Variants in HPCAL1 observed in about 807,000 individuals in gnomAD.
HPCAL1 encodes the protein hippocalcin-like protein 1.
HPCAL1 carries 8 observed loss-of-function variants against 17.1 expected under a neutral mutation model. That is an observed-to-expected ratio of 0.47 (90% CI 0.27 to 0.84). The LOEUF is 0.84. Ranked by LOEUF, HPCAL1 falls within the 40% of genes least tolerant of loss-of-function variation. HPCAL1 has a pLI of 0.13. For missense variants in HPCAL1, 165 were observed against 271.1 expected (o/e 0.61, Z 2.75); for synonymous variants, 112 against 111.4 (o/e 1.01, Z -0.03).
chr2:10,397,111 C>T (rs1170097195), intron 2 of HPCAL1, among the ~76,000 whole-genome samples, 191 bp downstream of exon 2: 3 of 152,172 alleles, frequency 2.0e-5, no homozygotes, highest in East Asian at 1.9e-4. Context: ...AACTGCGGCT[C>T]GGAAATGCAG....
intron 1 of HPCAL1, among the ~76,000 whole-genome samples, chr2:10,346,110 A>G (rs1665424795): frequency 6.6e-6 from 1 of 152,054 alleles, no homozygotes. Context: ...ACTTATGTGC[A>G]ATGCCTTGGG....
In HPCAL1 at chr2:10,399,228, A is replaced by G. The variant is rs373410002; in HGVS notation, c.-25+2308A>G. 3.6e-4 allele frequency among the ~76,000 whole-genome samples: 42 copies of G among 117,004 alleles called. 2 individuals are homozygous for G. In the East Asian group the frequency reaches 7.7e-3, roughly 21 times the overall value. 76.8% of individuals were successfully genotyped at this position (117,004 alleles called of 152,430 possible). ...TCACTGCACCACCACCACCACCACC[A>G]CCACCACCACCATCACCACCACCAC... is the stretch of plus-strand genomic sequence containing the variant. On this transcript the variant is annotated intron_variant, in intron 2 of 4. Transcript: ENST00000307845.
chr2:10,397,425 G>A lies in HPCAL1; in HGVS notation c.-25+505G>A, dbSNP rs572653574. Among the ~76,000 whole-genome samples the A allele has an allele frequency of 1.2e-4, 19 of 152,134 alleles. No homozygotes were observed. In the East Asian group the frequency reaches 1.4e-3, roughly 11 times the overall value. On this transcript the variant is annotated intron_variant, in intron 2 of 4. Transcript: ENST00000307845. ...CACCCACGCCAGATAAGCTGTCTGC[G>A]CTGGGAGCTGGGCATGTGGCTCTCC...
At position 10,310,595 on chromosome 2, in the gene HPCAL1, G is replaced by T. The variant is rs1043175068; in HGVS notation, c.-111+7418G>T. Among the ~76,000 whole-genome samples the T allele has an allele frequency of 2.0e-5, 3 of 152,238 alleles. No individual in the cohort carries two copies. The highest frequency in any genetic ancestry group is 2.0e-4 in the Admixed American group (3 of 15,280). On this transcript the variant is annotated intron_variant, in intron 1 of 4. Transcript: ENST00000307845. The surrounding 1 kb of genome is among the most constrained non-coding windows in gnomAD (Gnocchi z 4.5). The stretch of plus-strand genomic sequence containing the variant: ...AGAAGCATCTGTCAGGGTCCCTGAT[G>T]CACCTACAGAGACCCTGAGCTTGGT...
In HPCAL1 at chr2:10,322,238, G is replaced by A. The variant is rs1030547661; in HGVS notation, c.-111+19061G>A. Among the ~76,000 whole-genome samples, 25 of 152,176 alleles carry A rather than the reference G, an allele frequency of 1.6e-4. 2 individuals are homozygous for A. The highest frequency in any genetic ancestry group is 1.4e-3 in the Admixed American group (22 of 15,298). ...AGTTCTCACTAGATTGCCCAAATTC[G>A]TCTTGAACTCCTGGGCTTAAGTGAT... is the stretch of plus-strand genomic sequence containing the variant. On this transcript the variant is annotated intron_variant, in intron 1 of 4. Transcript: ENST00000307845.
intron 1 of HPCAL1, among the ~76,000 whole-genome samples, chr2:10,328,537 T>C (rs1004873575): frequency 2.0e-5 from 3 of 152,086 alleles, no homozygotes; most frequent in African/African-American, 7.2e-5. Context: ...AGAACAAAAA[T>C]GTAGAGAAAG....
At chr2:10,401,096 G>C (rs1305654464) in intron 2 of HPCAL1, among the ~76,000 whole-genome samples, 3 of 152,176 alleles carry the variant, frequency 2.0e-5, no homozygotes, top group Non-Finnish European at 4.4e-5. Flanking sequence ...AGCCGAGGCT[G>C]CACAAGGACA....
chr2:10,369,027 G>T (rs144559647), intron 1 of HPCAL1: 14 of 152,278 alleles, frequency 9.2e-5, no homozygotes, highest in African/African-American at 3.4e-4. Context: ...AGCCGATGGC[G>T]TTGCCCTGTG....
intron 1 of HPCAL1, chr2:10,368,599 G>A (rs532829876): frequency 3.5e-4 from 53 of 152,330 alleles, no homozygotes; most frequent in Middle Eastern, 3.4e-3. Flanking sequence ...CCAGCAGCAC[G>A]CCTCCTGCAG....
intron 1 of HPCAL1, among the ~76,000 whole-genome samples, chr2:10,322,994 A>G (rs1663771596): frequency 6.6e-6 from 1 of 152,096 alleles, no homozygotes; most frequent in East Asian, 1.9e-4. Flanking sequence ...CCTGGGACAC[A>G]CGCTGCCCCC....
At chr2:10,348,612 A>AATAT (rs1553345143) in intron 1 of HPCAL1, among the ~76,000 whole-genome samples, 1 of 149,354 alleles carries the variant, frequency 6.7e-6, no homozygotes, top group South Asian at 2.1e-4. Context: ...AAAAAAAAAA[A>AATAT]ATATATATAT....
intron 2 of HPCAL1, among the ~76,000 whole-genome samples, chr2:10,409,145 G>A (rs754178403): frequency 2.3e-4 from 35 of 152,132 alleles, no homozygotes; most frequent in Non-Finnish European, 4.7e-4. Flanking sequence ...GCACATATAT[G>A]AGTTCAGACT....
chr2:10,399,262 T>TCATCAC (rs1669305426), intron 2 of HPCAL1, among the ~76,000 whole-genome samples: 1 of 14,284 alleles, frequency 7.0e-5, no homozygotes, highest in Admixed American at 7.7e-4. Context: ...ACCACCACCA[T>TCATCAC]CACCACCACC....
At chr2:10,420,180 CCTCCCAG>C (rs771158055) in intron 3 of HPCAL1, 45 bp downstream of exon 3, 15 of 1,540,102 alleles carry the variant, frequency 9.7e-6, no homozygotes, top group Non-Finnish European at 1.3e-5. Context: ...GCCCAGGTCC[CCTCCCAG>C]CTCCCAGCCC....
chr2:10,352,315 C>T (rs140064813), intron 1 of HPCAL1, among the ~76,000 whole-genome samples: 16 of 152,298 alleles, frequency 1.1e-4, no homozygotes, highest in Admixed American at 2.6e-4. Flanking sequence ...GCTTTCCTTT[C>T]GCCTGTTTGG....
chr2:10,355,644 C>T (rs1037407561), intron 1 of HPCAL1, among the ~76,000 whole-genome samples: 5 of 151,914 alleles, frequency 3.3e-5, no homozygotes, highest in Non-Finnish European at 5.9e-5. Flanking sequence ...ACAGGGACAC[C>T]CAGAGAGCGG....
chr2:10,331,366 G>A lies in HPCAL1; in HGVS notation c.-111+28189G>A, dbSNP rs1380116088. 4.6e-5 allele frequency among the ~76,000 whole-genome samples: 7 copies of A among 152,050 alleles called. No homozygotes were observed. The highest frequency in any genetic ancestry group is 1.2e-4 in the African/African-American group (5 of 41,380). On this transcript the variant is annotated intron_variant, in intron 1 of 4. Transcript: ENST00000307845. This position sits in a 1 kb window ranked among gnomAD's most constrained non-coding sequence, Gnocchi z 5.0. ...TACGCATCGTCACCCCTCCTCCTGC[G>A]TTTCCTCCTGTCTCCCCGGGGAGCT...
chr2:10,388,902 G>A (rs1668505569), intron 1 of HPCAL1, among the ~76,000 whole-genome samples: 1 of 152,152 alleles, frequency 6.6e-6, no homozygotes, highest in South Asian at 2.1e-4. Flanking sequence ...AGGAGGCGGG[G>A]CCTTTGGGAG....
chr2:10,396,184 G>A (rs1669015258), intron 1 of HPCAL1, among the ~76,000 whole-genome samples: 1 of 152,224 alleles, frequency 6.6e-6, no homozygotes. Flanking sequence ...TGAATGTCAG[G>A]TGATGCGTCC....
Sources: gnomAD v4.1 joint callset for allele counts (sites outside exome capture counted in the v4.1 genomes callset) on GRCh38, gnomAD v4.1.1 for gene constraint, Gnocchi (gnomAD v3.1) non-coding constraint, MANE v1.5 for transcripts, NCBI Gene and HGNC (gene_info 2026-07-23, HGNC 2026-07-21) for gene names.